The following DSE variants were observed in gnomAD, a reference collection of about 807,000 sequenced individuals.
DSE encodes the protein dermatan-sulfate epimerase.
A neutral mutation model predicts 84.4 loss-of-function variants in DSE; 36 were observed. That is an observed-to-expected ratio of 0.43 (90% CI 0.33 to 0.56). The LOEUF (loss-of-function observed/expected upper bound fraction) is 0.56. Among genes scored for constraint, DSE ranks in the 20% least tolerant of loss-of-function variants. The pLI is 0.06. For missense variants in DSE, 862 were observed against 1,169.6 expected, an observed-to-expected ratio of 0.74 and a Z score of 3.84; for synonymous variants, 410 against 430.1, an observed-to-expected ratio of 0.95 and a Z score of 0.58.
intron 2 of DSE, among the ~76,000 whole-genome samples, chr6:116,264,438 A>G (rs1772536577): frequency 6.6e-6 from 1 of 152,116 alleles, no homozygotes; most frequent in Non-Finnish European, 1.5e-5. Flanking sequence ...CAGATCGGCT[A>G]CAGTCTTTTC....
chr6:116,313,621 A>G (rs892234361), intron 2 of DSE, among the ~76,000 whole-genome samples: 1 of 152,224 alleles, frequency 6.6e-6, no homozygotes, highest in Non-Finnish European at 1.5e-5. Context: ...GTGAATCACC[A>G]TTAGAGTCAC....
intron 1 of DSE, among the ~76,000 whole-genome samples, chr6:116,385,634 A>G (rs1371788328): frequency 2.0e-5 from 3 of 152,124 alleles, no homozygotes; most frequent in Non-Finnish European, 4.4e-5. Context: ...AACTACATCT[A>G]TGTATCATTG....
At chr6:116,335,357 C>T (rs2114802050) in intron 2 of DSE, among the ~76,000 whole-genome samples, 1 of 152,192 alleles carries the variant, frequency 6.6e-6, no homozygotes, top group Middle Eastern at 3.4e-3. Flanking sequence ...GGGAACAACA[C>T]ACACTGGAGT....
At chr6:116,317,366 C>T (rs1378661014) in intron 2 of DSE, among the ~76,000 whole-genome samples, 1 of 152,230 alleles carries the variant, frequency 6.6e-6, no homozygotes. Context: ...GGCCAATATT[C>T]TCATATTTAG....
At chr6:116,270,906 C>G (rs1216991081) in intron 2 of DSE, among the ~76,000 whole-genome samples, 3 of 152,252 alleles carry the variant, frequency 2.0e-5, no homozygotes, top group Admixed American at 2.0e-4. Context: ...TTCCTGAGCC[C>G]CTATTTCCCT....
chr6:116,420,995 C>A (rs1175988911), intron 2 of DSE, among the ~76,000 whole-genome samples: 1 of 152,124 alleles, frequency 6.6e-6, no homozygotes, highest in East Asian at 1.9e-4. Context: ...AAAATTGGTA[C>A]AAAAATTTGG....
rs752162619 is a variant in DSE at position 116,443,028 on chromosome 6, G to C, written c.*5683G>C. 1 of 152,194 alleles carries C rather than the reference G, an allele frequency of 6.6e-6. No homozygotes were observed. The highest frequency in any genetic ancestry group is 1.5e-5 in the Non-Finnish European group (1 of 68,036). The allele number at this position is 152,194 out of a possible 1,614,324, so 9.4% of individuals were successfully genotyped here. A position where few individuals can be genotyped will look rare whatever the true frequency, so the allele number is the denominator to read the frequency against. On this transcript the variant is annotated 3_prime_UTR_variant, in exon 6 of 6. Coordinates refer to ENST00000644252, the MANE Select transcript of DSE (RefSeq NM_013352.4). The stretch of plus-strand genomic sequence containing the variant: ...CTGCAAGCAATGGCAAGCCATTAAA[G>C]AATTTTCTTTTTAAATAATCAGATT...
In DSE at chr6:116,431,316, A is replaced by AT. The variant is rs34007038; in HGVS notation, c.910+130dup. 3.8e-6 allele frequency: 5 copies of AT among 1,331,882 alleles called. No homozygotes were observed. In the East Asian group the frequency reaches 1.0e-4, roughly 27 times the overall value. 82.5% of individuals were successfully genotyped at this position (1,331,882 alleles called of 1,614,324 possible). The stretch of plus-strand genomic sequence containing the variant: ...AGTTTGTCATATTGAAATTAAATAG[A>AT]TTTTTTTAATCAAAGAAAAATTGAA... On this transcript the variant is annotated intron_variant, in intron 4 of 5. Coordinates refer to ENST00000644252, the MANE Select transcript of DSE (RefSeq NM_013352.4).
intron 2 of DSE, among the ~76,000 whole-genome samples, chr6:116,264,487 T>A (rs143254364): frequency 1.3e-5 from 2 of 152,208 alleles, no homozygotes; most frequent in Non-Finnish European, 2.9e-5. Flanking sequence ...TGCATTGTTT[T>A]ATCATTATTT....
chr6:116,278,812 T>C (rs1206254245), intron 2 of DSE: 1 of 1,614,164 alleles, frequency 6.2e-7, no homozygotes, highest in Admixed American at 1.7e-5. Context: ...TCTTACCTCA[T>C]ATTCCTTGAC....
chr6:116,268,793 G>A (rs564520107), intron 2 of DSE, among the ~76,000 whole-genome samples: 1 of 152,244 alleles, frequency 6.6e-6, no homozygotes, highest in African/African-American at 2.4e-5. Context: ...GTACGATTCT[G>A]TTTTGTCTGC....
In DSE at chr6:116,433,229, C is replaced by T. The variant is rs553641167; in HGVS notation, c.911-114C>T. ...GATTGTGATTTTTCTTTTATTTTAT[C>T]CCTTCCATTACACAATTCTAATTTG... is the stretch of plus-strand genomic sequence containing the variant. On this transcript the variant is annotated intron_variant, in intron 4 of 5. Transcript: ENST00000644252. 2,122 of 980,910 alleles carry T rather than the reference C, an allele frequency of 2.2e-3. 7 individuals are homozygous for T. The highest frequency in any genetic ancestry group is 2.4e-3 in the Non-Finnish European group (1,589 of 670,094). 60.8% of individuals were successfully genotyped at this position (980,910 alleles called of 1,614,324 possible). A position where few individuals can be genotyped will look rare whatever the true frequency, so the allele number is the denominator to read the frequency against.
upstream of DSE, among the ~76,000 whole-genome samples, chr6:116,369,093 T>C (rs1259662538): frequency 6.6e-6 from 1 of 152,218 alleles, no homozygotes; most frequent in East Asian, 1.9e-4. Flanking sequence ...TTGTACATTG[T>C]GATCATCTAG....
At position 116,437,027 on chromosome 6, in the gene DSE, T is replaced by A. The variant is rs182628432; in HGVS notation, c.2559T>A (p.Asp853Glu). The change falls in exon 6 of 6, where the codon GAT (aspartate) becomes GAA (glutamate). Residue 853 changes from aspartate to glutamate, a missense_variant. This residue lies in a region of DSE where 315 missense variants were observed against 348.1 expected (regional missense o/e 0.90). Coordinates refer to ENST00000644252, the MANE Select transcript of DSE (RefSeq NM_013352.4). ...AGAAAGAACTACCCATAGATGAAGA[T>A]GAAGAAATGAAAGACCTTTTAGATT... ...LAQKELPIDEDEEMKDLLDFA... is the reference protein window; with the variant it reads ...LAQKELPIDEEEEMKDLLDFA... 9 of 1,614,014 alleles carry A rather than the reference T, an allele frequency of 5.6e-6. No homozygotes were observed. Among genetic ancestry groups the A allele is most frequent in the Non-Finnish European group, 5.9e-6 (7 of 1,179,968 alleles).
intron 2 of DSE, among the ~76,000 whole-genome samples, chr6:116,339,237 T>C (rs1328455403): frequency 6.6e-6 from 1 of 152,124 alleles, no homozygotes; most frequent in African/African-American, 2.4e-5. Context: ...TAATGTTAAA[T>C]CTTAGAACAT....
rs773733212 is a variant in DSE, at chr6:116,299,502, TTTTATATATATATATATATATATATA to T, written c.-54+40537_-54+40562del. On this transcript the variant is annotated intron_variant, in intron 2 of 3. Transcript: ENST00000430252. ...CATCCTGAAAGGCTTCTTGAATTAT[TTTTATATATATATATATATATATATA>T]TATATATATATATATATATATATAC... Among the ~76,000 whole-genome samples the T allele has an allele frequency of 0.021, 992 of 47,528 alleles. 93 individuals are homozygous for T. In the South Asian group the frequency reaches 0.23, roughly 11 times the overall value. 31.2% of individuals were successfully genotyped at this position (47,528 alleles called of 152,430 possible).
chr6:116,277,312 T>C (rs1045182), intron 2 of DSE: 40,169 of 152,648 alleles, frequency 0.26, 6,070 homozygotes, highest in East Asian at 0.64. Context: ...AAAAGTATTT[T>C]TCCATTCATC....
chr6:116,428,894 T>C (rs1783621455), intron 3 of DSE, among the ~76,000 whole-genome samples: 1 of 152,130 alleles, frequency 6.6e-6, no homozygotes, highest in Admixed American at 6.5e-5. Flanking sequence ...AGAAAAAAAA[T>C]ACAGGGTATA....
chr6:116,356,189 C>T (rs997323448), intron 2 of DSE, among the ~76,000 whole-genome samples: 1 of 152,216 alleles, frequency 6.6e-6, no homozygotes, highest in African/African-American at 2.4e-5. Context: ...TGGGCTCAGA[C>T]ATTTTTAAGT....
Sources: allele counts gnomAD v4.1 joint callset (sites outside exome capture counted in the v4.1 genomes callset), GRCh38; gene constraint gnomAD v4.1.1; regional missense constraint gnomAD v4.1.1; transcripts MANE v1.5; gene names NCBI Gene and HGNC (gene_info 2026-07-23, HGNC 2026-07-21).